TEX11: variants seen among roughly 807,000 people sequenced by gnomAD.
TEX11 encodes the protein testis expressed 11.
A neutral mutation model predicts 84.4 loss-of-function variants in TEX11; 7 were observed. The observed-to-expected ratio is 0.08, with a 90% CI of 0.05 to 0.16. The LOEUF is 0.16. Among genes scored for constraint, TEX11 ranks in the 10% least tolerant of loss-of-function variants. The pLI is 1.00. For synonymous variants in TEX11, 264 were observed against 222.8 expected (o/e 1.18, Z -1.64); for missense variants, 551 against 660.5 (o/e 0.83, Z 1.82).
At chrX:70,636,906 G>C (rs1168839784) in intron 17 of TEX11, among the ~76,000 whole-genome samples, 1 of 111,919 alleles carries the variant, frequency 8.9e-6, no homozygotes. Flanking sequence ...GGCCAATAAA[G>C]TGCCTTCCCA....
intron 2 of TEX11, among the ~76,000 whole-genome samples, chrX:70,906,098 T>A (rs1169997112): frequency 4.3e-4 from 3 of 6,928 alleles, no homozygotes; most frequent in African/African-American, 1.6e-3. Flanking sequence ...AAAATATATA[T>A]ATATATATAT....
In TEX11 at chrX:70,763,491, C is replaced by G. The variant is rs1569433582; in HGVS notation, c.693-19272G>C. Among the ~76,000 whole-genome samples the G allele has an allele frequency of 2.7e-5, 3 of 109,992 alleles. No individual in the cohort carries two copies. The Admixed American group carries it at 2.9e-4, about 11-fold the overall frequency. On this transcript the variant is annotated intron_variant, in intron 9 of 29. Transcript: ENST00000374333. ...GGGATAAAAAATTACATATTGGGTA[C>G]AGTGTACACTGCTTAGGTGTCGGGT...
intron 13 of TEX11, among the ~76,000 whole-genome samples, chrX:70,695,171 C>T (rs2090269451): frequency 8.9e-6 from 1 of 112,249 alleles, no homozygotes; most frequent in South Asian, 3.7e-4. Flanking sequence ...AAGAGACACA[C>T]GTGAATGCTC....
intron 10 of TEX11, among the ~76,000 whole-genome samples, chrX:70,741,195 G>A (rs1242531822): frequency 2.7e-5 from 3 of 111,329 alleles, no homozygotes; most frequent in African/African-American, 9.8e-5. Context: ...TCCCCCAAAT[G>A]ACTTTTATGG....
intron 25 of TEX11, among the ~76,000 whole-genome samples, chrX:70,576,904 T>G (rs963141808): frequency 8.9e-6 from 1 of 111,770 alleles, no homozygotes; most frequent in African/African-American, 3.2e-5. Flanking sequence ...TAGAGGCTGG[T>G]AAAGGGAACT....
intron 5 of TEX11, among the ~76,000 whole-genome samples, chrX:70,853,735 T>C: frequency 8.9e-6 from 1 of 112,348 alleles, no homozygotes. Context: ...ATCCAACAAA[T>C]GTTTATTAAG....
chrX:70,566,332 C>A (rs1215287253), intron 25 of TEX11, among the ~76,000 whole-genome samples: 1 of 102,451 alleles, frequency 9.8e-6, no homozygotes, highest in African/African-American at 3.6e-5. Context: ...TCTAGATATA[C>A]AATCATGTCA....
At chrX:70,778,164 T>C (rs1215050603) in intron 9 of TEX11, among the ~76,000 whole-genome samples, 2 of 111,936 alleles carry the variant, frequency 1.8e-5, no homozygotes, top group Non-Finnish European at 3.8e-5. Flanking sequence ...GGGCATTATA[T>C]AATGATAAAG....
chrX:70,666,157 A>G (rs749761644), intron 16 of TEX11, among the ~76,000 whole-genome samples: 1 of 112,083 alleles, frequency 8.9e-6, no homozygotes, highest in Non-Finnish European at 1.9e-5. Flanking sequence ...AATAACTAAA[A>G]TATAATGAGA....
At position 70,766,246 on chromosome X, in the gene TEX11, T is replaced by C. The variant is rs765019282; in HGVS notation, c.693-22027A>G. 2.2e-4 allele frequency among the ~76,000 whole-genome samples: 24 copies of C among 110,400 alleles called. 1 individual carries two copies. The highest frequency in any genetic ancestry group is 1.7e-4 in the Non-Finnish European group (9 of 52,807). On this transcript the variant is annotated intron_variant, in intron 9 of 29. Transcript: ENST00000374333. ...GGCCAACATGGTGAAACCCTGGCTCTACTAAAAATATAAAACTTAGCTGGG... is the reference window on the plus strand; with the variant it reads ...GGCCAACATGGTGAAACCCTGGCTCCACTAAAAATATAAAACTTAGCTGGG...
chrX:70,796,601 C>G (rs1602136796), intron 9 of TEX11, among the ~76,000 whole-genome samples: 1 of 111,709 alleles, frequency 9.0e-6, no homozygotes, highest in Non-Finnish European at 1.9e-5. Context: ...AAAACCAAAA[C>G]TTGACAAGTG....
At chrX:70,585,767 T>C (rs1245262133) in intron 25 of TEX11, among the ~76,000 whole-genome samples, 1 of 112,526 alleles carries the variant, frequency 8.9e-6, no homozygotes, top group Non-Finnish European at 1.9e-5. Context: ...GAATAGTCTC[T>C]TCAGGCCGGG....
chrX:70,871,904 T>C (rs2091631536), intron 4 of TEX11, among the ~76,000 whole-genome samples: 1 of 103,863 alleles, frequency 9.6e-6, no homozygotes, highest in Admixed American at 1.1e-4. Context: ...TTTAACAGTC[T>C]CTTTTCTCTT....
At chrX:70,840,471 T>C (rs1372699772) in intron 7 of TEX11, among the ~76,000 whole-genome samples, 3 of 111,595 alleles carry the variant, frequency 2.7e-5, no homozygotes, top group African/African-American at 6.5e-5. Flanking sequence ...AAAGAGCTCC[T>C]GAAGGAAGCG....
intron 17 of TEX11, among the ~76,000 whole-genome samples, chrX:70,638,463 C>G (rs1436636595): frequency 9.0e-6 from 1 of 111,380 alleles, no homozygotes; most frequent in Non-Finnish European, 1.9e-5. Context: ...CATTGCCACC[C>G]AGACTTGTCT....
chrX:70,710,002 T>C (rs906852918), intron 13 of TEX11, among the ~76,000 whole-genome samples: 5 of 110,899 alleles, frequency 4.5e-5, no homozygotes, highest in African/African-American at 1.3e-4. Context: ...TAGATCACTA[T>C]CTCTAGGTTT....
intron 4 of TEX11, among the ~76,000 whole-genome samples, chrX:70,866,555 C>A (rs1022757638): frequency 9.0e-6 from 1 of 111,679 alleles, no homozygotes; most frequent in Admixed American, 9.6e-5. Flanking sequence ...ATGAGGCCAG[C>A]ATCATCCTGA....
intron 14 of TEX11, among the ~76,000 whole-genome samples, chrX:70,679,284 C>T (rs1475572574): frequency 1.8e-5 from 2 of 110,941 alleles, no homozygotes; most frequent in African/African-American, 3.3e-5. Context: ...GATCTCGGCT[C>T]GCTACAACCT....
At chrX:70,781,385 T>C (rs769422416) in intron 9 of TEX11, among the ~76,000 whole-genome samples, 5 of 111,427 alleles carry the variant, frequency 4.5e-5, no homozygotes, top group African/African-American at 1.6e-4. Flanking sequence ...AACTGAAAAT[T>C]CTAAAAACCA....
Sources: gnomAD v4.1 joint callset for allele counts (sites outside exome capture counted in the v4.1 genomes callset) on GRCh38, gnomAD v4.1.1 for gene constraint, MANE v1.5 for transcripts, NCBI Gene and HGNC (gene_info 2026-07-23, HGNC 2026-07-21) for gene names.